The following IMMP2L variants were observed in gnomAD, a reference collection of about 807,000 sequenced individuals.
IMMP2L encodes the protein mitochondrial inner membrane protease subunit 2.
In IMMP2L, 18 loss-of-function variants were observed where a neutral mutation model predicts 19.3. That is an observed-to-expected ratio of 0.93 (90% CI 0.64 to 1.38). The LOEUF (loss-of-function observed/expected upper bound fraction) is 1.38. Among genes scored for constraint, IMMP2L ranks in the 40% most tolerant of loss-of-function variants. The pLI, the probability that IMMP2L is intolerant of heterozygous loss-of-function variation, is 0.00. For missense variants in IMMP2L, 233 were observed against 218.2 expected (o/e 1.07, Z -0.43); for synonymous variants, 76 against 73.0 (o/e 1.04, Z -0.21).
intron 4 of IMMP2L, among the ~76,000 whole-genome samples, chr7:110,888,001 A>C (rs1184268888): frequency 6.6e-6 from 1 of 152,150 alleles, no homozygotes. Flanking sequence ...ACAGAAACTG[A>C]AACTATTCAT....
chr7:111,480,734 G>A (rs1274451997), intron 3 of IMMP2L, among the ~76,000 whole-genome samples: 1 of 151,644 alleles, frequency 6.6e-6, no homozygotes, highest in Non-Finnish European at 1.5e-5. Flanking sequence ...AAAAATGTTT[G>A]GCCATAGATT....
intron 3 of IMMP2L, among the ~76,000 whole-genome samples, chr7:111,080,017 CA>C (rs533466679): frequency 2.3e-4 from 13 of 55,582 alleles, no homozygotes; most frequent in East Asian, 1.1e-3. Flanking sequence ...TCCAGAACTA[CA>C]AAAAAAAAAA....
intron 4 of IMMP2L, among the ~76,000 whole-genome samples, chr7:110,892,618 A>G (rs1219986980): frequency 1.3e-5 from 2 of 152,142 alleles, no homozygotes; most frequent in Non-Finnish European, 2.9e-5. Context: ...TAACAAGCAA[A>G]AATCAAACTA....
chr7:110,817,475 A>AC (rs1382837951), intron 5 of IMMP2L, among the ~76,000 whole-genome samples: 1 of 152,154 alleles, frequency 6.6e-6, no homozygotes, highest in African/African-American at 2.4e-5. Context: ...ATACAAACAC[A>AC]TGGAAGAACA....
intron 5 of IMMP2L, among the ~76,000 whole-genome samples, chr7:110,850,668 A>G (rs1806120213): frequency 6.6e-6 from 1 of 151,996 alleles, no homozygotes; most frequent in Admixed American, 6.6e-5. Flanking sequence ...CTAACACTAT[A>G]ACAAATTAGG....
At chr7:110,983,852 G>A (rs1821562951) in intron 3 of IMMP2L, among the ~76,000 whole-genome samples, 1 of 151,936 alleles carries the variant, frequency 6.6e-6, no homozygotes, top group Non-Finnish European at 1.5e-5. Context: ...TAGTCATTAA[G>A]ATTTTAGTTT....
At chr7:111,230,648 A>C (rs2129624094) in intron 3 of IMMP2L, among the ~76,000 whole-genome samples, 1 of 152,162 alleles carries the variant, frequency 6.6e-6, no homozygotes, top group South Asian at 2.1e-4. Flanking sequence ...TCCACCAAAT[A>C]TTTATTGACT....
rs193232012 is a variant in IMMP2L, at chr7:111,309,273, A to C, written c.239+177965T>G. On this transcript the variant is annotated intron_variant, in intron 3 of 5. Coordinates refer to ENST00000405709, the MANE Select transcript of IMMP2L (RefSeq NM_032549.4). ...TACACGTGGAAACACACTAGTAAGA[A>C]TTCTATGCCAGGCAATTAGTGAAGA... 3.9e-5 allele frequency among the ~76,000 whole-genome samples: 6 copies of C among 152,290 alleles called. No individual in the cohort carries two copies. In the East Asian group the frequency reaches 9.7e-4, roughly 24 times the overall value.
intron 3 of IMMP2L, among the ~76,000 whole-genome samples, chr7:111,468,732 C>CAGG (rs1840923834): frequency 4.6e-5 from 7 of 151,996 alleles, no homozygotes; most frequent in Non-Finnish European, 1.5e-5. Flanking sequence ...TATGTGGCAC[C>CAGG]TGGACTTAGT....
chr7:111,395,885 T>C (rs1057236312), intron 3 of IMMP2L, among the ~76,000 whole-genome samples: 5 of 152,268 alleles, frequency 3.3e-5, no homozygotes, highest in African/African-American at 1.2e-4. Flanking sequence ...GAGAAAAAGC[T>C]CATCATCACT....
intron 3 of IMMP2L, among the ~76,000 whole-genome samples, chr7:110,968,517 T>C (rs1348769388): frequency 6.6e-6 from 1 of 151,910 alleles, no homozygotes; most frequent in Non-Finnish European, 1.5e-5. Flanking sequence ...CTACAAAAAA[T>C]ACAAAATTAG....
At chr7:110,946,674 A>G (rs1245474000) in intron 4 of IMMP2L, among the ~76,000 whole-genome samples, 2 of 151,654 alleles carry the variant, frequency 1.3e-5, no homozygotes, top group Non-Finnish European at 2.9e-5. Flanking sequence ...TCTAAATATG[A>G]CACGACATTA....
At chr7:111,142,338 A>G (rs1440527969) in intron 3 of IMMP2L, among the ~76,000 whole-genome samples, 6 of 12,698 alleles carry the variant, frequency 4.7e-4, no homozygotes, top group African/African-American at 6.1e-4. Context: ...AAAAAAAAAA[A>G]AAAAAGAAAG....
At chr7:110,826,979 A>G (rs1292289120) in intron 5 of IMMP2L, among the ~76,000 whole-genome samples, 1 of 152,104 alleles carries the variant, frequency 6.6e-6, no homozygotes, top group Non-Finnish European at 1.5e-5. Flanking sequence ...AATGACTATT[A>G]GTTCAACTTG....
At chr7:110,947,467 C>T (rs1485900554) in intron 4 of IMMP2L, among the ~76,000 whole-genome samples, 1 of 152,170 alleles carries the variant, frequency 6.6e-6, no homozygotes, top group Non-Finnish European at 1.5e-5. Flanking sequence ...ACATAATCCT[C>T]AAAAGACGGC....
At chr7:111,501,885 C>T (rs745744608) in intron 2 of IMMP2L, among the ~76,000 whole-genome samples, 43 of 152,080 alleles carry the variant, frequency 2.8e-4, no homozygotes, top group Admixed American at 6.6e-4. Context: ...AATGTAAAGA[C>T]CATCAAGGCT....
At chr7:111,193,743 G>A (rs529401042) in intron 3 of IMMP2L, among the ~76,000 whole-genome samples, 56 of 152,172 alleles carry the variant, frequency 3.7e-4, no homozygotes, top group African/African-American at 1.3e-3. Context: ...TATTTTAATT[G>A]ATATACCTAA....
At chr7:111,079,442 C>T (rs1795703242) in intron 3 of IMMP2L, among the ~76,000 whole-genome samples, 1 of 152,096 alleles carries the variant, frequency 6.6e-6, no homozygotes, top group Non-Finnish European at 1.5e-5. Flanking sequence ...TTCACTAAAT[C>T]TAATACTATA....
At chr7:111,130,780 G>C (rs968382809) in intron 3 of IMMP2L, among the ~76,000 whole-genome samples, 1 of 151,944 alleles carries the variant, frequency 6.6e-6, no homozygotes, top group African/African-American at 2.4e-5. Flanking sequence ...AAAAGAATAC[G>C]ATATAAAATT....
Sources: allele counts gnomAD v4.1 joint callset (sites outside exome capture counted in the v4.1 genomes callset), GRCh38; gene constraint gnomAD v4.1.1; transcripts MANE v1.5; gene names NCBI Gene and HGNC (gene_info 2026-07-23, HGNC 2026-07-21).